The following CNTNAP2 variants were observed in gnomAD, a reference collection of about 807,000 sequenced individuals.
CNTNAP2 encodes contactin associated protein 2.
Under a neutral mutation model 155.2 loss-of-function variants are expected in CNTNAP2, and 98 were observed. The ratio of observed to expected loss-of-function variants is 0.63; its 90% CI spans 0.54 to 0.75. The LOEUF (loss-of-function observed/expected upper bound fraction) is 0.75. Ranked by LOEUF, CNTNAP2 falls within the 30% of genes least tolerant of loss-of-function variation. The pLI is 0.00. For synonymous variants in CNTNAP2, 651 were observed against 631.2 expected (o/e 1.03, Z -0.47); for missense variants, 1,727 against 1,688.1 (o/e 1.02, Z -0.40).
chr7:146,366,174 A>T (rs991974669), intron 1 of CNTNAP2, among the ~76,000 whole-genome samples: 2 of 152,128 alleles, frequency 1.3e-5, no homozygotes, highest in Non-Finnish European at 2.9e-5. Context: ...AAAAGTGATA[A>T]TGTGTTTTCT....
chr7:148,031,609 G>A (rs891907940), intron 15 of CNTNAP2, among the ~76,000 whole-genome samples: 1 of 152,174 alleles, frequency 6.6e-6, no homozygotes, highest in African/African-American at 2.4e-5. Flanking sequence ...GTATTTAATA[G>A]CACTAAATAG....
At chr7:148,107,466 G>A (rs1475140393) in intron 15 of CNTNAP2, among the ~76,000 whole-genome samples, 1 of 152,198 alleles carries the variant, frequency 6.6e-6, no homozygotes, top group East Asian at 1.9e-4. Flanking sequence ...AAGAAATGCT[G>A]CAGAGAGAGT....
intron 14 of CNTNAP2, among the ~76,000 whole-genome samples, chr7:147,971,914 T>C (rs539758760): frequency 3.3e-5 from 5 of 152,318 alleles, no homozygotes; most frequent in African/African-American, 1.2e-4. Context: ...TTTAGTGTAA[T>C]CCAAGCTACT....
intron 11 of CNTNAP2, among the ~76,000 whole-genome samples, chr7:147,504,676 G>C: frequency 8.2e-6 from 1 of 122,144 alleles, no homozygotes; most frequent in Admixed American, 8.5e-5. Flanking sequence ...GCGACAGAAT[G>C]AGATTCTGTC....
intron 1 of CNTNAP2, among the ~76,000 whole-genome samples, chr7:146,578,174 A>G (rs995859731): frequency 2.0e-5 from 3 of 152,286 alleles, no homozygotes; most frequent in African/African-American, 7.2e-5. Flanking sequence ...AAGTTATAAT[A>G]TATTTTCCAA....
chr7:147,426,182 C>CTT (rs142234705), intron 10 of CNTNAP2, among the ~76,000 whole-genome samples: 3 of 144,598 alleles, frequency 2.1e-5, no homozygotes, highest in African/African-American at 5.2e-5. Flanking sequence ...GCCAAATGTG[C>CTT]TTTTTTATTT....
intron 8 of CNTNAP2, among the ~76,000 whole-genome samples, chr7:147,188,041 A>G (rs1276803927): frequency 1.3e-5 from 2 of 152,210 alleles, no homozygotes; most frequent in Admixed American, 1.3e-4. Context: ...AGCCAGGGTG[A>G]CCAAGTGAGA....
chr7:148,279,234 G>T (rs1796930534), intron 21 of CNTNAP2, among the ~76,000 whole-genome samples: 2 of 152,226 alleles, frequency 1.3e-5, no homozygotes, highest in African/African-American at 2.4e-5. Flanking sequence ...GGCTGATATA[G>T]GGGCAGGATG....
rs1800250011 is a variant in CNTNAP2 at position 147,569,826 on chromosome 7, G to A, written c.1897+7569G>A. On this transcript the variant is annotated intron_variant, in intron 12 of 23. Coordinates refer to ENST00000361727, the MANE Select transcript of CNTNAP2 (RefSeq NM_014141.6). ...TGTGTGTCAAGGCACAGGTGACCTG[G>A]GTCAACTGCTCAGAGTCTTGCCAGG... Among the ~76,000 whole-genome samples, 3 of 152,312 alleles carry A rather than the reference G, an allele frequency of 2.0e-5. No individual in the cohort carries two copies. The South Asian group carries it at 6.2e-4, about 32-fold the overall frequency.
At chr7:146,561,803 T>C (rs1181670409) in intron 1 of CNTNAP2, among the ~76,000 whole-genome samples, 1 of 152,152 alleles carries the variant, frequency 6.6e-6, no homozygotes, top group Non-Finnish European at 1.5e-5. Context: ...TTGTTTATTG[T>C]TTTTGAGACA....
At chr7:146,674,709 G>C (rs1296452398) in intron 1 of CNTNAP2, among the ~76,000 whole-genome samples, 2 of 152,112 alleles carry the variant, frequency 1.3e-5, no homozygotes, top group East Asian at 1.9e-4. Flanking sequence ...TTTTAACAAA[G>C]TGTGATAAAG....
chr7:146,999,848 A>C (rs1220229125), intron 3 of CNTNAP2, among the ~76,000 whole-genome samples: 1 of 152,014 alleles, frequency 6.6e-6, no homozygotes, highest in African/African-American at 2.4e-5. Context: ...GTATAACTTG[A>C]GGGTAATCTT....
At chr7:147,511,057 A>G (rs1343704703) in intron 11 of CNTNAP2, among the ~76,000 whole-genome samples, 1 of 151,758 alleles carries the variant, frequency 6.6e-6, no homozygotes, top group African/African-American at 2.4e-5. Flanking sequence ...CCTGGGCACC[A>G]TCCCTTCTGA....
At chr7:148,319,804 TC>T (rs1797758428) in intron 21 of CNTNAP2, among the ~76,000 whole-genome samples, 1 of 151,772 alleles carries the variant, frequency 6.6e-6, no homozygotes, top group Non-Finnish European at 1.5e-5. Flanking sequence ...AGCTCAGGGC[TC>T]CCCTTGATTC....
intron 11 of CNTNAP2, among the ~76,000 whole-genome samples, chr7:147,512,651 A>G (rs1799042490): frequency 6.6e-6 from 1 of 152,214 alleles, no homozygotes; most frequent in South Asian, 2.1e-4. Context: ...CATAAATAGA[A>G]TTTAAATCAA....
intron 4 of CNTNAP2, among the ~76,000 whole-genome samples, chr7:147,055,720 G>C (rs1262103867): frequency 2.6e-5 from 4 of 152,132 alleles, no homozygotes; most frequent in Admixed American, 2.0e-4. Flanking sequence ...TCTTCCCCCT[G>C]GTTCCCACCG....
intron 1 of CNTNAP2, among the ~76,000 whole-genome samples, chr7:146,533,057 G>A (rs1437281771): frequency 3.0e-5 from 4 of 134,472 alleles, no homozygotes; most frequent in Middle Eastern, 5.0e-3. Context: ...AGCAGAGATC[G>A]CACCACTGCA....
chr7:146,711,111 CACACACACAG>C (rs1801060393), intron 1 of CNTNAP2, among the ~76,000 whole-genome samples: 1 of 151,418 alleles, frequency 6.6e-6, no homozygotes. Context: ...TATATGCACA[CACACACACAG>C]ACACACACAC....
At chr7:148,009,802 T>C (rs1802043381) in intron 15 of CNTNAP2, among the ~76,000 whole-genome samples, 1 of 152,166 alleles carries the variant, frequency 6.6e-6, no homozygotes, top group Non-Finnish European at 1.5e-5. Context: ...TGTTTTATGA[T>C]ATTCCATTCA....
Sources: gnomAD v4.1 joint callset for allele counts (sites outside exome capture counted in the v4.1 genomes callset) on GRCh38, gnomAD v4.1.1 for gene constraint, MANE v1.5 for transcripts, NCBI Gene and HGNC (gene_info 2026-07-23, HGNC 2026-07-21) for gene names.